VCAN: variants seen among roughly 807,000 people sequenced by gnomAD.
VCAN encodes the protein versican.
A neutral mutation model predicts 245.5 loss-of-function variants in VCAN; 44 were observed. The observed-to-expected ratio is 0.18, with a 90% CI of 0.14 to 0.23. The LOEUF (loss-of-function observed/expected upper bound fraction) is 0.23, where lower values mean the gene tolerates loss of function less well. Among genes scored for constraint, VCAN ranks in the 10% least tolerant of loss-of-function variants. VCAN has a pLI of 1.00. For synonymous variants in VCAN, 1,413 were observed against 1,437.0 expected (o/e 0.98, Z 0.38); for missense variants, 3,793 against 4,057.9 (o/e 0.93, Z 1.77).
chr5:83,562,862 A>G (rs1747920879), intron 12 of VCAN, among the ~76,000 whole-genome samples: 1 of 152,118 alleles, frequency 6.6e-6, no homozygotes. Flanking sequence ...CAGTGCGAGT[A>G]ACTCACATCC....
Position 83,537,751 on chromosome 5 carries a change from C to G in VCAN, c.4748C>G (p.Thr1583Ser), listed in dbSNP as rs1580040960. 2 of 1,614,022 alleles carry G rather than the reference C, an allele frequency of 1.2e-6. No individual in the cohort carries two copies. Among genetic ancestry groups the G allele is most frequent in the Non-Finnish European group, 1.7e-6 (2 of 1,179,984 alleles). Residue 1583 changes from threonine (T) to serine (S), a missense_variant, in exon 8 of 15, where the codon ACT becomes AGT. Physicochemically the swap from Thr to Ser is moderately conservative, Grantham distance 58 (BLOSUM62 1). This residue lies in a region of VCAN where 3,182 missense variants were observed against 3,250.3 expected (regional missense o/e 0.98). Transcript: ENST00000265077. ...EVEKSTSVTY[T>S]PTIVPSSASA... ...GAAAAAAGTACTTCTGTCACATACA[C>G]TCCCACTATAGTTCCAAGTTCTGCA...
intron 7 of VCAN, among the ~76,000 whole-genome samples, chr5:83,524,132 A>G (rs946468135): frequency 1.1e-4 from 17 of 152,150 alleles, no homozygotes; most frequent in Non-Finnish European, 8.8e-5. Context: ...ACAAAATGGA[A>G]AAAGTGAAAC....
Position 83,527,810 on chromosome 5 carries a change from A to G in VCAN, c.4003+5501A>G, listed in dbSNP as rs1319669766. Among the ~76,000 whole-genome samples the G allele has an allele frequency of 2.0e-5, 3 of 152,328 alleles. No individual in the cohort carries two copies. In the South Asian group the frequency reaches 6.2e-4, roughly 32 times the overall value. On this transcript the variant is annotated intron_variant, in intron 7 of 14. Coordinates refer to ENST00000265077, the MANE Select transcript of VCAN (RefSeq NM_004385.5). ...TTTAACAATAAAAGGTGTTACTTTGATAACTAAAAGGAACTTTATTATCCT... is the reference window on the plus strand; with the variant it reads ...TTTAACAATAAAAGGTGTTACTTTGGTAACTAAAAGGAACTTTATTATCCT...
chr5:83,521,712 C>T lies in VCAN; in HGVS notation c.3406C>T (p.Pro1136Ser), dbSNP rs1746109314. 1.2e-6 allele frequency: 2 copies of T among 1,613,946 alleles called. No individual in the cohort carries two copies. The highest frequency in any genetic ancestry group is 1.7e-6 in the Non-Finnish European group (2 of 1,180,008). Residue 1136 changes from proline (P) to serine (S), a missense_variant, in exon 7 of 15, where the codon CCT becomes TCT. This residue lies in a region of VCAN where 3,182 missense variants were observed against 3,250.3 expected (regional missense o/e 0.98). Coordinates refer to ENST00000265077, the MANE Select transcript of VCAN (RefSeq NM_004385.5). Reference protein sequence around the residue: ...IGPKVSLSPGPEQKYETEGSS... With the variant: ...IGPKVSLSPGSEQKYETEGSS... Reference sequence around the variant, plus strand: ...GCCAAAAGTATCTTTAAGTCCAGGGCCTGAACAAAAATATGAAACAGAAGG... The same window carrying T: ...GCCAAAAGTATCTTTAAGTCCAGGGTCTGAACAAAAATATGAAACAGAAGG...
chr5:83,520,983 G>C lies in VCAN; in HGVS notation c.2677G>C (p.Glu893Gln). 6.2e-7 allele frequency: 1 copy of C among 1,614,012 alleles called. No individual in the cohort carries two copies. Among genetic ancestry groups the C allele is most frequent in the Non-Finnish European group, 8.5e-7 (1 of 1,179,962 alleles). ...GCCAACTACATCAACTGGTATTGCA[G>C]AAAAGTCAACTTTGAGAGATTCTAC... ...FQPTTSTGIA[E>Q]KSTLRDSTTE... Residue 893 changes from glutamate to glutamine, a missense_variant, in exon 7 of 15, where the codon GAA becomes CAA. Physicochemically the swap from Glu to Gln is conservative, Grantham distance 29. Coordinates refer to ENST00000265077, the MANE Select transcript of VCAN (RefSeq NM_004385.5).
intron 5 of VCAN, among the ~76,000 whole-genome samples, chr5:83,502,725 A>C (rs1745368285): frequency 6.6e-6 from 1 of 152,196 alleles, no homozygotes; most frequent in Non-Finnish European, 1.5e-5. Context: ...AGAGAATATT[A>C]ACTGACTATC....
At position 83,540,265 on chromosome 5, in the gene VCAN, C is replaced by T. The variant is rs1746916012; in HGVS notation, c.7262C>T (p.Pro2421Leu). ...AKEFVTSAPK[P>L]SDLYYEPSGE... ...GAATTTGTTACATCAGCACCAAAAC[C>T]ATCTGACTTGTATTATGAACCTTCT... The change falls in exon 8 of 15, where the codon CCA (proline) becomes CTA (leucine). Residue 2421 changes from proline to leucine, a missense_variant. Pro to Leu is a moderately conservative substitution (Grantham distance 98). This residue lies in a region of VCAN where 3,182 missense variants were observed against 3,250.3 expected (regional missense o/e 0.98). Coordinates refer to ENST00000265077, the MANE Select transcript of VCAN (RefSeq NM_004385.5). 2 of 1,614,100 alleles carry T rather than the reference C, an allele frequency of 1.2e-6. No homozygotes were observed. The highest frequency in any genetic ancestry group is 8.5e-7 in the Non-Finnish European group (1 of 1,180,006).
intron 5 of VCAN, among the ~76,000 whole-genome samples, chr5:83,503,670 A>G (rs1467137331): frequency 2.0e-5 from 3 of 152,236 alleles, no homozygotes; most frequent in Non-Finnish European, 4.4e-5. Context: ...CATGTATCAC[A>G]TCACCCAGCA....
In VCAN at chr5:83,521,850, T is replaced by A. The variant is rs1477991721; in HGVS notation, c.3544T>A (p.Ser1182Thr). 3.1e-6 allele frequency: 5 copies of A among 1,614,034 alleles called. No individual in the cohort carries two copies. In the African/African-American group the frequency reaches 6.7e-5, roughly 22 times the overall value. The change falls in exon 7 of 15, where the codon TCA (serine) becomes ACA (threonine). Residue 1182 changes from serine (S) to threonine (T), a missense_variant. Physicochemically the swap from Ser to Thr is moderately conservative, Grantham distance 58 (BLOSUM62 1). Coordinates refer to ENST00000265077, the MANE Select transcript of VCAN (RefSeq NM_004385.5). ...KTSLEDIDLG[S>T]GLFEKPKATE... Reference sequence around the variant, plus strand: ...ATCCCTAGAGGATATTGATTTAGGCTCAGGATTATTTGAAAAGCCCAAAGC... The same window carrying A: ...ATCCCTAGAGGATATTGATTTAGGCACAGGATTATTTGAAAAGCCCAAAGC...
intron 6 of VCAN, among the ~76,000 whole-genome samples, chr5:83,513,761 A>G (rs1436037397): frequency 1.3e-5 from 2 of 152,226 alleles, no homozygotes; most frequent in African/African-American, 4.8e-5. Context: ...CTACATTGTC[A>G]CAACAATGAT....
intron 3 of VCAN, among the ~76,000 whole-genome samples, chr5:83,491,883 A>C (rs1369685345): frequency 2.0e-5 from 3 of 152,242 alleles, no homozygotes; most frequent in African/African-American, 7.2e-5. Context: ...TTTGATCAAC[A>C]TTAAACTAAT....
chr5:83,487,576 C>A (rs989582789), intron 2 of VCAN, among the ~76,000 whole-genome samples: 3 of 152,056 alleles, frequency 2.0e-5, no homozygotes, highest in African/African-American at 7.2e-5. Context: ...TTTTTGTGAC[C>A]CAGTGCATTA....
In VCAN at chr5:83,538,587, G is replaced by A. The variant is rs147865620; in HGVS notation, c.5584G>A (p.Ala1862Thr). Residue 1862 changes from alanine (A) to threonine (T), a missense_variant, in exon 8 of 15, where the codon GCC (alanine) becomes ACC (threonine). Transcript: ENST00000265077. Reference protein sequence around the residue: ...FSLNVEYAIQAEKEVAGTLSP... With the variant: ...FSLNVEYAIQTEKEVAGTLSP... ...ATTAAACGTAGAGTATGCAATTCAA[G>A]CCGAAAAGGAAGTAGCTGGCACTTT... is the stretch of plus-strand genomic sequence containing the variant. 2 of 1,614,006 alleles carry A rather than the reference G, an allele frequency of 1.2e-6. No homozygotes were observed. Among genetic ancestry groups the A allele is most frequent in the Non-Finnish European group, 1.7e-6 (2 of 1,179,942 alleles).
intron 2 of VCAN, among the ~76,000 whole-genome samples, chr5:83,484,672 C>T (rs886493538): frequency 1.3e-5 from 2 of 152,196 alleles, no homozygotes; most frequent in Admixed American, 6.5e-5. Flanking sequence ...CCATGGATGA[C>T]TCATAACTGG....
At chr5:83,573,438 G>C (rs1748365875) in intron 13 of VCAN, among the ~76,000 whole-genome samples, 1 of 151,690 alleles carries the variant, frequency 6.6e-6, no homozygotes, top group Non-Finnish European at 1.5e-5. Context: ...TCCTTCCTTT[G>C]TTTTATGTGA....
rs1274150560 is a variant in VCAN at position 83,520,244 on chromosome 5, A to C, written c.1938A>C (p.Pro646=). The C allele has an allele frequency of 4.3e-6, 7 of 1,613,912 alleles. No individual in the cohort carries two copies. Among genetic ancestry groups the C allele is most frequent in the Admixed American group, 1.7e-5 (1 of 60,000 alleles). The stretch of plus-strand genomic sequence containing the variant: ...AATATCTGTCTACTACACCTTTTCC[A>C]TCACAGCATCGTACAGAAATAGAAT... ...LGKYLSTTPF[P]SQHRTEIELF... Residue 646 remains proline (P), a synonymous_variant, in exon 7 of 15, where the codon CCA becomes CCC. Coordinates refer to ENST00000265077, the MANE Select transcript of VCAN (RefSeq NM_004385.5).
intron 6 of VCAN, among the ~76,000 whole-genome samples, chr5:83,518,057 AAG>A (rs1745925767): frequency 6.6e-6 from 1 of 152,160 alleles, no homozygotes; most frequent in South Asian, 2.1e-4. Flanking sequence ...AAAAATAAAA[AAG>A]AAGATACTAT....
chr5:83,574,446 G>A (rs191845458), intron 13 of VCAN, among the ~76,000 whole-genome samples: 179 of 152,196 alleles, frequency 1.2e-3, no homozygotes, highest in South Asian at 2.3e-3. Context: ...AATTTCTCCT[G>A]ACATGATATA....
chr5:83,496,136 T>C (rs1228903193), intron 5 of VCAN, among the ~76,000 whole-genome samples: 2 of 152,234 alleles, frequency 1.3e-5, no homozygotes, highest in African/African-American at 4.8e-5. Flanking sequence ...CTGTCTTCAT[T>C]GAACGATGGC....
Sources: gnomAD v4.1 joint callset for allele counts (sites outside exome capture counted in the v4.1 genomes callset) on GRCh38, gnomAD v4.1.1 for gene constraint, gnomAD v4.1.1 regional missense constraint, MANE v1.5 for transcripts, NCBI Gene and HGNC (gene_info 2026-07-23, HGNC 2026-07-21) for gene names.